Variants in SEMA4D observed in about 807,000 individuals in gnomAD.
The protein encoded by SEMA4D is semaphorin 4D, also known as semaphorin-4D.
A neutral mutation model predicts 74.8 loss-of-function variants in SEMA4D; 22 were observed. That is an observed-to-expected ratio of 0.29 (90% CI 0.21 to 0.42). The LOEUF (loss-of-function observed/expected upper bound fraction) is 0.42, where lower values mean the gene tolerates loss of function less well. Ranked by LOEUF, SEMA4D falls within the 10% of genes least tolerant of loss-of-function variation. The pLI is 1.00. For synonymous variants in SEMA4D, 445 were observed against 463.7 expected (o/e 0.96, Z 0.52); for missense variants, 937 against 1,118.4 (o/e 0.84, Z 2.31).
At chr9:89,478,766 A>ACCCCC (rs1487086258) in intron 1 of SEMA4D, among the ~76,000 whole-genome samples, 25 of 77,034 alleles carry the variant, frequency 3.2e-4, no homozygotes, top group South Asian at 1.5e-3. Flanking sequence ...CTCATCCTCC[A>ACCCCC]CCCCACCCCA....
intron 1 of SEMA4D, among the ~76,000 whole-genome samples, chr9:89,476,044 A>C (rs1206948746): frequency 6.6e-6 from 1 of 152,186 alleles, no homozygotes; most frequent in Non-Finnish European, 1.5e-5. Context: ...CCTTCCTAAG[A>C]AGCAGAAGGT....
At position 89,387,402 on chromosome 9, in the gene SEMA4D, G is replaced by A. The variant is rs770687717; in HGVS notation, c.1314C>T (p.Val438=). The A allele has an allele frequency of 5.6e-6, 9 of 1,610,534 alleles. No individual in the cohort carries two copies. The African/African-American group carries it at 6.7e-5, about 12-fold the overall frequency. ...GGAACCCACCTGTGCTGACAAACAT[G>A]ACATCATAGACAGTCCCATCCAGGG... ...TQALDGTVYD[V]MFVSTDRGAL... Residue 438 remains valine (V), a synonymous_variant, in exon 12 of 16, where the codon GTC becomes GTT. Transcript: ENST00000422704.
chr9:89,460,042 A>C (rs1310096227), intron 1 of SEMA4D, among the ~76,000 whole-genome samples: 1 of 151,924 alleles, frequency 6.6e-6, no homozygotes, highest in Admixed American at 6.6e-5. Flanking sequence ...GCCCCCACCC[A>C]CCCAGGATAA....
chr9:89,418,694 G>A (rs1846226103), intron 2 of SEMA4D: 1 of 151,850 alleles, frequency 6.6e-6, no homozygotes, highest in South Asian at 2.1e-4. Context: ...TCAAGACAGG[G>A]ATCGTGGGGT....
chr9:89,442,927 G>T (rs1358228047), intron 2 of SEMA4D, among the ~76,000 whole-genome samples: 2 of 152,254 alleles, frequency 1.3e-5, no homozygotes, highest in African/African-American at 4.8e-5. Flanking sequence ...GGACAAGCCT[G>T]TCATCACACA....
In SEMA4D at chr9:89,377,684, G is replaced by A. The variant is rs1030500379; in HGVS notation, c.*1020C>T. 1.3e-5 allele frequency: 2 copies of A among 152,224 alleles called. No homozygotes were observed. The highest frequency in any genetic ancestry group is 1.3e-4 in the Admixed American group (2 of 15,282). The allele number at this position is 152,224 out of a possible 1,614,324, so 9.4% of individuals were successfully genotyped here. Reference sequence around the variant, plus strand: ...GCAATTGAAGCAAGAAGAGAAAGGAGATGTTCAGAGAACCAAAGGCGCCCT... The same window carrying A: ...GCAATTGAAGCAAGAAGAGAAAGGAAATGTTCAGAGAACCAAAGGCGCCCT... On this transcript the variant is annotated 3_prime_UTR_variant, in exon 16 of 16. Coordinates refer to ENST00000422704, the MANE Select transcript of SEMA4D (RefSeq NM_001371194.2).
At chr9:89,488,380 T>TTTTTG in intron 1 of SEMA4D, among the ~76,000 whole-genome samples, 1 of 143,620 alleles carries the variant, frequency 7.0e-6, no homozygotes, top group Non-Finnish European at 1.5e-5. Context: ...TTTTTTTTTT[T>TTTTTG]GAGAACAGAG....
intron 2 of SEMA4D, among the ~76,000 whole-genome samples, chr9:89,419,610 G>A (rs923274268): frequency 2.6e-5 from 4 of 152,144 alleles, no homozygotes; most frequent in African/African-American, 9.7e-5. Flanking sequence ...TGAATATCAC[G>A]GATTTTAAAA....
intron 3 of SEMA4D, among the ~76,000 whole-genome samples, chr9:89,404,341 T>A (rs1842817994): frequency 6.6e-6 from 1 of 152,174 alleles, no homozygotes; most frequent in African/African-American, 2.4e-5. Context: ...GGAAGCTTCC[T>A]GTCAGGGGTC....
intron 2 of SEMA4D, among the ~76,000 whole-genome samples, chr9:89,438,823 G>A (rs1476564547): frequency 1.3e-5 from 2 of 151,560 alleles, no homozygotes; most frequent in East Asian, 1.9e-4. Flanking sequence ...ATACCATCAC[G>A]CCCGGCTAAT....
At chr9:89,472,868 A>G (rs1860743469) in intron 1 of SEMA4D, among the ~76,000 whole-genome samples, 2 of 152,110 alleles carry the variant, frequency 1.3e-5, no homozygotes, top group Non-Finnish European at 2.9e-5. Context: ...CTGAGGTGAG[A>G]GGAGTGCTTG....
chr9:89,431,070 C>T (rs1312218120), intron 2 of SEMA4D, among the ~76,000 whole-genome samples: 7 of 152,232 alleles, frequency 4.6e-5, no homozygotes, highest in Non-Finnish European at 1.0e-4. Context: ...GTACAATCCA[C>T]ACAAGTCGAT....
chr9:89,447,103 C>A (rs1423957046), intron 2 of SEMA4D, among the ~76,000 whole-genome samples: 1 of 152,124 alleles, frequency 6.6e-6, no homozygotes, highest in Non-Finnish European at 1.5e-5. Flanking sequence ...CGCCCGCTGC[C>A]TATCGGTCCT....
In SEMA4D at chr9:89,430,570, C is replaced by CTGTTAGACTCTG. The variant is rs1433900878; in HGVS notation, c.-243-24872_-243-24871insCAGAGTCTAACA. ...AACTGGCCTCTGATGTCTACAGAGT[C>CTGTTAGACTCTG]TAACAGGTGTATTTCCAAGGCCTCA... On this transcript the variant is annotated intron_variant, in intron 2 of 15. Coordinates refer to ENST00000422704, the MANE Select transcript of SEMA4D (RefSeq NM_001371194.2). Among the ~76,000 whole-genome samples the CTGTTAGACTCTG allele has an allele frequency of 1.2e-4, 18 of 152,352 alleles. No homozygotes were observed. The East Asian group carries it at 3.3e-3, about 28-fold the overall frequency.
In SEMA4D at chr9:89,410,087, TGG is replaced by T. The variant is rs1844196374; in HGVS notation, c.-243-4390_-243-4389del. ...CGGGGTGGGCAGTGGGGGTGGGCGG[TGG>T]GGTAAGGTGGGGGGTGCCCAGCTTG... On this transcript the variant is annotated intron_variant, in intron 2 of 15. Transcript: ENST00000422704. 6.4e-4 allele frequency among the ~76,000 whole-genome samples: 5 copies of T among 7,796 alleles called. No homozygotes were observed. The South Asian group carries it at 0.02, about 31-fold the overall frequency. The allele number at this position is 7,796 out of a possible 152,430, so 5.1% of individuals were successfully genotyped here.
At chr9:89,490,601 C>T (rs906701847) in intron 1 of SEMA4D, among the ~76,000 whole-genome samples, 1 of 152,122 alleles carries the variant, frequency 6.6e-6, no homozygotes, top group East Asian at 1.9e-4. Context: ...GTTCTGTGCA[C>T]GCTGAAGGTG....
intron 2 of SEMA4D, among the ~76,000 whole-genome samples, chr9:89,432,689 C>G (rs1353517814): frequency 6.6e-6 from 1 of 151,972 alleles, no homozygotes; most frequent in East Asian, 1.9e-4. Context: ...AGGGTGGCCA[C>G]TACCAAAAAA....
intron 2 of SEMA4D, among the ~76,000 whole-genome samples, chr9:89,438,179 G>A (rs987535687): frequency 2.0e-5 from 3 of 152,242 alleles, no homozygotes; most frequent in Non-Finnish European, 4.4e-5. Flanking sequence ...CAAGCCAAGC[G>A]CCCTGCTTCT....
At chr9:89,376,875 C>T (rs547558031), downstream of SEMA4D, 44 of 1,550,792 alleles carry the variant, frequency 2.8e-5, no homozygotes, top group South Asian at 5.9e-5. Context: ...AGGGCGTGCA[C>T]GTGCTGTGCC....
Sources: allele counts gnomAD v4.1 joint callset (sites outside exome capture counted in the v4.1 genomes callset), GRCh38; gene constraint gnomAD v4.1.1; transcripts MANE v1.5; gene names NCBI Gene and HGNC (gene_info 2026-07-23, HGNC 2026-07-21).